ZC2HC1B: variants seen among roughly 807,000 people sequenced by gnomAD.
ZC2HC1B encodes the protein zinc finger C2HC domain-containing protein 1B.
Under a neutral mutation model 31.0 loss-of-function variants are expected in ZC2HC1B, and 36 were observed. The observed-to-expected ratio is 1.16, with a 90% CI of 0.89 to 1.54. ZC2HC1B has a LOEUF of 1.54. ZC2HC1B is among the 40% of genes most tolerant of loss of function. ZC2HC1B has a pLI of 0.00. For missense variants in ZC2HC1B, 260 were observed against 268.6 expected (o/e 0.97, Z 0.22); for synonymous variants, 73 against 88.0 (o/e 0.83, Z 0.95).
intron 1 of ZC2HC1B, among the ~76,000 whole-genome samples, chr6:143,878,141 T>C (rs1582952723): frequency 1.3e-5 from 2 of 151,030 alleles, no homozygotes; most frequent in African/African-American, 2.4e-5. Flanking sequence ...TTTGCAGACA[T>C]GCACATAGTG....
At position 143,886,782 on chromosome 6, in the gene ZC2HC1B, C is replaced by T. The variant is rs1014374936; in HGVS notation, c.310C>T (p.Arg104Ter). The change falls in exon 4 of 8, where the codon CGA becomes TGA. Residue 104 changes from arginine (R) to a stop codon, truncating the protein, a stop_gained. Transcript: ENST00000237275. LOFTEE classifies it high-confidence loss of function. The surrounding 1 kb of genome is among the most constrained non-coding windows in gnomAD (Gnocchi z 4.2). ...KQCMLAIKEG[R>*]PLPPPPPPSL... Reference sequence around the variant, plus strand: ...GTGTATGCTAGCCATTAAAGAAGGCCGACCCCTCCCACCTCCACCCCCTCC... The same window carrying T: ...GTGTATGCTAGCCATTAAAGAAGGCTGACCCCTCCCACCTCCACCCCCTCC... 5.2e-6 allele frequency: 8 copies of T among 1,546,984 alleles called. No homozygotes were observed. The highest frequency in any genetic ancestry group is 2.7e-5 in the African/African-American group (2 of 72,768).
At position 143,899,612 on chromosome 6, in the gene ZC2HC1B, A is replaced by C. The variant is rs957900162; in HGVS notation, c.489+921A>C. Among the ~76,000 whole-genome samples the C allele has an allele frequency of 3.9e-5, 6 of 152,168 alleles. No individual in the cohort carries two copies. The highest frequency in any genetic ancestry group is 3.9e-4 in the Admixed American group (6 of 15,270). ...GGCTGGTCTCAAACTCCTGGGCCCA[A>C]GCAATCTGCCCTCTTCAGCCTCCCA... On this transcript the variant is annotated intron_variant, in intron 5 of 7. Coordinates refer to ENST00000237275, the MANE Select transcript of ZC2HC1B (RefSeq NM_001013623.3). The surrounding 1 kb of genome is among the most constrained non-coding windows in gnomAD (Gnocchi z 5.0).
intron 1 of ZC2HC1B, among the ~76,000 whole-genome samples, chr6:143,875,537 C>T (rs905870829): frequency 4.0e-5 from 6 of 150,786 alleles, no homozygotes; most frequent in Non-Finnish European, 5.9e-5. Context: ...ATAAATTCAG[C>T]CCGATCCAAC....
rs898904891 is a variant in ZC2HC1B, at chr6:143,924,920, T to G, written c.599-12729T>G. On this transcript the variant is annotated intron_variant, in intron 6 of 7. Transcript: ENST00000237275. This position sits in a 1 kb window ranked among gnomAD's most constrained non-coding sequence, Gnocchi z 5.2. ...TTGTTGAAGCTTTTTTGTGTCTGTG[T>G]TCATCAGGGGTATTGGCCTGTAGTT... 1.3e-5 allele frequency among the ~76,000 whole-genome samples: 2 copies of G among 152,176 alleles called. No individual in the cohort carries two copies. Among genetic ancestry groups the G allele is most frequent in the African/African-American group, 4.8e-5 (2 of 41,448 alleles).
At chr6:143,931,018 G>A (rs1001386671) in intron 6 of ZC2HC1B, among the ~76,000 whole-genome samples, 2 of 152,082 alleles carry the variant, frequency 1.3e-5, no homozygotes, top group Admixed American at 6.5e-5. Context: ...TAGGATTGTG[G>A]TATTTTCCAT....
At position 143,911,983 on chromosome 6, in the gene ZC2HC1B, A is replaced by T. The variant is rs1287657619; in HGVS notation, c.598+8831A>T. Among the ~76,000 whole-genome samples the T allele has an allele frequency of 6.7e-6, 1 of 150,248 alleles. No individual in the cohort carries two copies. Among genetic ancestry groups the T allele is most frequent in the South Asian group, 2.1e-4 (1 of 4,736 alleles). ...TCTTTTTTTTCATTCTTTTTTCTCTATTTTTGTCAGCCTGTCTTATTTCAG... is the reference window on the plus strand; with the variant it reads ...TCTTTTTTTTCATTCTTTTTTCTCTTTTTTTGTCAGCCTGTCTTATTTCAG... On this transcript the variant is annotated intron_variant, in intron 6 of 7. Transcript: ENST00000237275. The surrounding 1 kb of genome is among the most constrained non-coding windows in gnomAD (Gnocchi z 4.5).
At position 143,908,365 on chromosome 6, in the gene ZC2HC1B, G is replaced by A. The variant is rs1777821459; in HGVS notation, c.598+5213G>A. Among the ~76,000 whole-genome samples, 1 of 152,178 alleles carries A rather than the reference G, an allele frequency of 6.6e-6. No homozygotes were observed. Among genetic ancestry groups the A allele is most frequent in the Admixed American group, 6.5e-5 (1 of 15,282 alleles). ...GCATTGAATCTGTAAATTGCTTTGA[G>A]CAGTATGTCAATTTTCATGATATTG... On this transcript the variant is annotated intron_variant, in intron 6 of 7. Coordinates refer to ENST00000237275, the MANE Select transcript of ZC2HC1B (RefSeq NM_001013623.3). The surrounding 1 kb of genome is among the most constrained non-coding windows in gnomAD (Gnocchi z 4.4).
intron 5 of ZC2HC1B, among the ~76,000 whole-genome samples, chr6:143,901,864 T>G (rs1052898980): frequency 2.6e-5 from 4 of 152,078 alleles, no homozygotes. Context: ...GAAAAGTTTG[T>G]ATGTATAAGT....
intron 6 of ZC2HC1B, among the ~76,000 whole-genome samples, chr6:143,925,418 G>A (rs117432124): frequency 0.035 from 5,283 of 151,574 alleles, 122 homozygotes; most frequent in South Asian, 0.11. Flanking sequence ...TTCGTGATCC[G>A]CCTGCCTACG....
At chr6:143,877,158 A>G (rs1403342217) in intron 1 of ZC2HC1B, among the ~76,000 whole-genome samples, 1 of 145,342 alleles carries the variant, frequency 6.9e-6, no homozygotes, top group Non-Finnish European at 1.5e-5. Flanking sequence ...TGGTATTCTA[A>G]TTTGCTTGTT....
chr6:143,898,686 G>A lies in ZC2HC1B; in HGVS notation c.484G>A (p.Ala162Thr), dbSNP rs1458132786. The A allele has an allele frequency of 1.3e-6, 2 of 1,551,978 alleles. No individual in the cohort carries two copies. The highest frequency in any genetic ancestry group is 2.7e-5 in the African/African-American group (2 of 73,050). Residue 162 changes from alanine to threonine, a missense_variant, in exon 5 of 8, where the codon GCT (alanine) becomes ACT (threonine). Transcript: ENST00000237275. ...AQTAAKLASR[A>T]QGRAQMGPKK... ...GACAGCAGCCAAATTGGCATCCAGAGCTCAGGTAACTATCTCTCCCCAGGT... is the reference window on the plus strand; with the variant it reads ...GACAGCAGCCAAATTGGCATCCAGAACTCAGGTAACTATCTCTCCCCAGGT...
chr6:143,864,915 C>G (rs930451350), intron 1 of ZC2HC1B, among the ~76,000 whole-genome samples: 1 of 152,184 alleles, frequency 6.6e-6, no homozygotes, highest in Non-Finnish European at 1.5e-5. Context: ...ATAGCTGTCT[C>G]AACTGAAGAT....
At chr6:143,880,781 TAC>T (rs1035245738) in intron 1 of ZC2HC1B, among the ~76,000 whole-genome samples, 2 of 152,164 alleles carry the variant, frequency 1.3e-5, no homozygotes, top group African/African-American at 4.8e-5. Flanking sequence ...GCCCACTGGC[TAC>T]AGTTTGCTGA....
intron 1 of ZC2HC1B, among the ~76,000 whole-genome samples, chr6:143,879,304 T>C (rs1205994006): frequency 6.6e-6 from 1 of 152,214 alleles, no homozygotes; most frequent in African/African-American, 2.4e-5. Flanking sequence ...CTTGTTTTCT[T>C]TCCTCCCTGT....
intron 1 of ZC2HC1B, among the ~76,000 whole-genome samples, chr6:143,881,093 C>T (rs1777460678): frequency 1.3e-5 from 2 of 152,182 alleles, no homozygotes; most frequent in Admixed American, 6.5e-5. Context: ...ACCCCACTCC[C>T]ACTCATCTTT....
chr6:143,872,978 A>G lies in ZC2HC1B; in HGVS notation c.28+8411A>G, dbSNP rs1777359715. 6.6e-6 allele frequency among the ~76,000 whole-genome samples: 1 copy of G among 152,108 alleles called. No homozygotes were observed. Among genetic ancestry groups the G allele is most frequent in the Non-Finnish European group, 1.5e-5 (1 of 68,022 alleles). On this transcript the variant is annotated intron_variant, in intron 1 of 7. Transcript: ENST00000237275. This position sits in a 1 kb window ranked among gnomAD's most constrained non-coding sequence, Gnocchi z 5.5. ...ATCATGCCTCCCCAACAGTCTCCCA[A>G]AGTCTTAACTCATTTCAGCATTAAT...
rs927312063 is a variant in ZC2HC1B, at chr6:143,885,578, G to C, written c.91-454G>C. Among the ~76,000 whole-genome samples the C allele has an allele frequency of 6.6e-6, 1 of 152,168 alleles. No individual in the cohort carries two copies. Among genetic ancestry groups the C allele is most frequent in the Non-Finnish European group, 1.5e-5 (1 of 68,034 alleles). On this transcript the variant is annotated intron_variant, in intron 2 of 7. Coordinates refer to ENST00000237275, the MANE Select transcript of ZC2HC1B (RefSeq NM_001013623.3). The surrounding 1 kb of genome is among the most constrained non-coding windows in gnomAD (Gnocchi z 4.2). ...TTGTGGGGTCTGACAAAGCTACTGT[G>C]TCAATGATGGTTATTATGTGTCACA...
At chr6:143,916,422 C>T (rs1297224929) in intron 6 of ZC2HC1B, among the ~76,000 whole-genome samples, 5 of 152,200 alleles carry the variant, frequency 3.3e-5, no homozygotes, top group African/African-American at 7.2e-5. Context: ...AGAGCCCCCA[C>T]ACAGAGTCCC....
chr6:143,927,479 T>C (rs1367452032), intron 6 of ZC2HC1B, among the ~76,000 whole-genome samples: 1 of 152,208 alleles, frequency 6.6e-6, no homozygotes, highest in Non-Finnish European at 1.5e-5. Context: ...AAAGACATTA[T>C]ATTATTTTTT....
Sources: allele counts gnomAD v4.1 joint callset (sites outside exome capture counted in the v4.1 genomes callset), GRCh38; gene constraint gnomAD v4.1.1; non-coding constraint Gnocchi (gnomAD v3.1); transcripts MANE v1.5; gene names NCBI Gene and HGNC (gene_info 2026-07-23, HGNC 2026-07-21).